Variants in ANO2 observed in about 807,000 individuals in gnomAD.
The protein encoded by ANO2 is anoctamin-2.
Under a neutral mutation model 124.2 loss-of-function variants are expected in ANO2, and 101 were observed. The ratio of observed to expected loss-of-function variants is 0.81; its 90% CI spans 0.69 to 0.96. ANO2 has a LOEUF of 0.96. ANO2 is among the 40% of genes least tolerant of loss of function. The pLI, the probability that ANO2 is intolerant of heterozygous loss-of-function variation, is 0.00. For missense variants in ANO2, 1,293 were observed against 1,274.5 expected (o/e 1.01, Z -0.22); for synonymous variants, 486 against 482.5 (o/e 1.01, Z -0.09).
At chr12:5,928,468 G>GTCACTAGTCTACTTTCCTTCC (rs1942195310) in intron 1 of ANO2, among the ~76,000 whole-genome samples, 3 of 79,046 alleles carry the variant, frequency 3.8e-5, no homozygotes, top group African/African-American at 7.6e-5. Flanking sequence ...ACTTTCCTTC[G>GTCACTAGTCTACTTTCCTTCC]TCACTAGTCT....
chr12:5,630,351 G>A (rs1323838506), intron 16 of ANO2, among the ~76,000 whole-genome samples: 1 of 152,190 alleles, frequency 6.6e-6, no homozygotes, highest in Non-Finnish European at 1.5e-5. Context: ...GAGCCTGGGG[G>A]AACCCTGTAA....
intron 20 of ANO2, among the ~76,000 whole-genome samples, chr12:5,583,417 GC>G (rs1270018266): frequency 1.3e-5 from 2 of 152,082 alleles, no homozygotes. Flanking sequence ...ACTTTGGGAG[GC>G]CGAGGCGGGC....
intron 6 of ANO2, among the ~76,000 whole-genome samples, chr12:5,828,297 G>T (rs1954050497): frequency 1.3e-5 from 2 of 152,158 alleles, no homozygotes; most frequent in South Asian, 2.1e-4. Context: ...GGCTGACAGG[G>T]AGAGCCAGTG....
chr12:5,826,413 C>G (rs531791789), intron 7 of ANO2, among the ~76,000 whole-genome samples: 1 of 147,288 alleles, frequency 6.8e-6, no homozygotes, highest in Admixed American at 6.8e-5. Context: ...ACATTTGAGT[C>G]GGTGGGCTAA....
At chr12:5,744,554 C>G (rs548381098) in intron 11 of ANO2, among the ~76,000 whole-genome samples, 2 of 152,246 alleles carry the variant, frequency 1.3e-5, no homozygotes, top group South Asian at 4.2e-4. Context: ...TACAAGTGCC[C>G]TGGAAAGTTA....
chr12:5,624,982 A>G (rs190540360), intron 16 of ANO2, among the ~76,000 whole-genome samples: 7 of 152,088 alleles, frequency 4.6e-5, no homozygotes, highest in African/African-American at 1.7e-4. Flanking sequence ...GAGAGCCCCA[A>G]GGCTGTGCAA....
intron 3 of ANO2, among the ~76,000 whole-genome samples, chr12:5,916,845 G>T (rs914055754): frequency 6.6e-6 from 1 of 152,150 alleles, no homozygotes; most frequent in Non-Finnish European, 1.5e-5. Flanking sequence ...AAGTTATTGT[G>T]CAGATCAGTG....
At chr12:5,898,006 A>T (rs1233936871) in intron 3 of ANO2, among the ~76,000 whole-genome samples, 1 of 152,214 alleles carries the variant, frequency 6.6e-6, no homozygotes, top group African/African-American at 2.4e-5. Flanking sequence ...CAAAAGATGT[A>T]CCAAGTATAG....
At chr12:5,690,567 G>A (rs1387358416) in intron 14 of ANO2, among the ~76,000 whole-genome samples, 1 of 152,170 alleles carries the variant, frequency 6.6e-6, no homozygotes, top group Admixed American at 6.5e-5. Flanking sequence ...CATCAGCCAA[G>A]TCACCCTGGG....
At chr12:5,807,711 T>C (rs1207351494) in intron 7 of ANO2, among the ~76,000 whole-genome samples, 1 of 152,264 alleles carries the variant, frequency 6.6e-6, no homozygotes, top group Non-Finnish European at 1.5e-5. Context: ...AATGGTTATA[T>C]GGATCATTTT....
chr12:5,582,018 G>A (rs1942783252), intron 20 of ANO2, among the ~76,000 whole-genome samples: 1 of 152,196 alleles, frequency 6.6e-6, no homozygotes, highest in African/African-American at 2.4e-5. Flanking sequence ...GCTCTTTTCA[G>A]TCAAAGGTCT....
intron 9 of ANO2, among the ~76,000 whole-genome samples, chr12:5,800,834 G>A (rs920946491): frequency 5.9e-5 from 9 of 152,302 alleles, no homozygotes; most frequent in Admixed American, 3.9e-4. Flanking sequence ...GAGAGTTATT[G>A]AAGAGGAGGC....
chr12:5,661,798 G>A (rs1947456534), intron 14 of ANO2, among the ~76,000 whole-genome samples: 1 of 152,206 alleles, frequency 6.6e-6, no homozygotes, highest in African/African-American at 2.4e-5. Context: ...TGCTTCACGG[G>A]CAATGCTGGG....
intron 3 of ANO2, among the ~76,000 whole-genome samples, chr12:5,899,405 A>G (rs1470059089): frequency 6.6e-6 from 1 of 151,998 alleles, no homozygotes; most frequent in Non-Finnish European, 1.5e-5. Flanking sequence ...CACTCAGGCA[A>G]CTCCGCAGAG....
At chr12:5,739,907 C>T (rs967790182) in intron 12 of ANO2, 8 of 456,116 alleles carry the variant, frequency 1.8e-5, no homozygotes, top group African/African-American at 1.6e-4. Context: ...AACAGTTCTA[C>T]CTGACTCCAG....
chr12:5,743,994 CAT>C (rs1297521950), intron 12 of ANO2, among the ~76,000 whole-genome samples, 161 bp downstream of exon 12: 3 of 152,196 alleles, frequency 2.0e-5, no homozygotes, highest in Non-Finnish European at 2.9e-5. Context: ...TCTATTCACA[CAT>C]ATGAGTAAAG....
At chr12:5,600,395 G>C (rs112497912) in intron 19 of ANO2, among the ~76,000 whole-genome samples, 1 of 152,146 alleles carries the variant, frequency 6.6e-6, no homozygotes, top group Non-Finnish European at 1.5e-5. Context: ...ATAAATTTCT[G>C]TCAGTTAAGC....
intron 4 of ANO2, among the ~76,000 whole-genome samples, chr12:5,850,129 T>A (rs766075660): frequency 1.3e-5 from 2 of 152,116 alleles, no homozygotes; most frequent in Non-Finnish European, 2.9e-5. Flanking sequence ...AAAAAGAAGA[T>A]CTGGGGCCGG....
chr12:5,771,072 T>C (rs893001175), intron 10 of ANO2, among the ~76,000 whole-genome samples: 1 of 152,214 alleles, frequency 6.6e-6, no homozygotes, highest in Non-Finnish European at 1.5e-5. Flanking sequence ...TTTGTCCCTC[T>C]CCACTGCTAG....
Sources: allele counts gnomAD v4.1 joint callset (sites outside exome capture counted in the v4.1 genomes callset), GRCh38; gene constraint gnomAD v4.1.1; transcripts MANE v1.5; gene names NCBI Gene and HGNC (gene_info 2026-07-23, HGNC 2026-07-21).